Variants in MED12L observed in about 807,000 individuals in gnomAD.
MED12L encodes the protein mediator of RNA polymerase II transcription subunit 12-like protein.
In MED12L, 60 loss-of-function variants were observed where a neutral mutation model predicts 281.3. That is an observed-to-expected ratio of 0.21 (90% CI 0.17 to 0.26). MED12L has a LOEUF of 0.26. Ranked by LOEUF, MED12L falls within the 10% of genes least tolerant of loss-of-function variation. MED12L has a pLI of 1.00. For synonymous variants in MED12L, 974 were observed against 987.2 expected (o/e 0.99, Z 0.25); for missense variants, 2,146 against 2,680.9 (o/e 0.80, Z 4.41).
chr3:151,215,261 C>T (rs1389865427), intron 16 of MED12L, among the ~76,000 whole-genome samples: 1 of 152,176 alleles, frequency 6.6e-6, no homozygotes, highest in Non-Finnish European at 1.5e-5. Context: ...ATGGTAGCCA[C>T]TAGCCATGTG....
chr3:151,284,627 GAC>G, intron 16 of MED12L, among the ~76,000 whole-genome samples: 1 of 152,096 alleles, frequency 6.6e-6, no homozygotes, highest in East Asian at 1.9e-4. Context: ...TGTTTTTTGA[GAC>G]AGAGTTTTCG....
intron 16 of MED12L, chr3:151,249,048 C>G (rs1736332953): frequency 6.6e-6 from 1 of 152,178 alleles, no homozygotes; most frequent in African/African-American, 2.4e-5. Flanking sequence ...GACATCTCGC[C>G]AAATGCTTGA....
At position 151,358,781 on chromosome 3, in the gene MED12L, G is replaced by A. The variant is rs138985934; in HGVS notation, c.2825+1405G>A. ...TTATGTGAACAGTACACTGGATTAC[G>A]ATGTGAAATGTTTTTCTTATTGCTT... On this transcript the variant is annotated intron_variant, in intron 20 of 44. Coordinates refer to ENST00000687756, the MANE Select transcript of MED12L (RefSeq NM_001393769.1). Among the ~76,000 whole-genome samples, 828 of 152,176 alleles carry A rather than the reference G, an allele frequency of 5.4e-3. 12 individuals carry two copies. The highest frequency in any genetic ancestry group is 0.018 in the African/African-American group (762 of 41,514).
At chr3:151,203,269 A>G (rs912016750) in intron 16 of MED12L, 15 of 152,202 alleles carry the variant, frequency 9.9e-5, no homozygotes, top group Non-Finnish European at 2.1e-4. Flanking sequence ...ATTGACGTAG[A>G]TGAAACTGTG....
At chr3:151,425,476 C>CT (rs1224236679) in intron 43 of MED12L, 6 of 363,330 alleles carry the variant, frequency 1.7e-5, no homozygotes, top group Non-Finnish European at 3.3e-5. Flanking sequence ...TCATGGCTCA[C>CT]TGCAGTCTCA....
At chr3:151,316,867 T>G (rs1748320631) in intron 16 of MED12L, 2 of 151,738 alleles carry the variant, frequency 1.3e-5, no homozygotes, top group Admixed American at 1.3e-4. Context: ...TAACTAAGAG[T>G]AGGTGAGATT....
At chr3:151,275,830 TA>T (rs1741757429) in intron 16 of MED12L, among the ~76,000 whole-genome samples, 1 of 152,166 alleles carries the variant, frequency 6.6e-6, no homozygotes, top group African/African-American at 2.4e-5. Flanking sequence ...TAAGATAGGA[TA>T]TTTTTACTGA....
At chr3:151,424,813 C>A (rs904340461) in intron 43 of MED12L, among the ~76,000 whole-genome samples, 1 of 152,072 alleles carries the variant, frequency 6.6e-6, no homozygotes, top group Admixed American at 6.5e-5. Context: ...TTGTTCCTTC[C>A]GCTGCCGCTT....
chr3:151,349,280 G>A (rs1437772798), intron 16 of MED12L, among the ~76,000 whole-genome samples: 1 of 152,168 alleles, frequency 6.6e-6, no homozygotes, highest in African/African-American at 2.4e-5. Context: ...GATTCACTGT[G>A]CCTATGGGGT....
chr3:151,328,885 G>A (rs750375754), intron 16 of MED12L: 35 of 1,613,886 alleles, frequency 2.2e-5, no homozygotes, highest in Admixed American at 1.5e-4. Flanking sequence ...GCAGGATGCC[G>A]GTCAAGAAAA....
intron 17 of MED12L, among the ~76,000 whole-genome samples, chr3:151,350,906 ATTCTT>A (rs1186442439): frequency 6.6e-6 from 1 of 152,148 alleles, no homozygotes; most frequent in African/African-American, 2.4e-5. Flanking sequence ...TTGCCTAATT[ATTCTT>A]TTCAAGGTTT....
At chr3:151,289,751 GA>G (rs1415065765) in intron 16 of MED12L, among the ~76,000 whole-genome samples, 1 of 152,122 alleles carries the variant, frequency 6.6e-6, no homozygotes, top group Non-Finnish European at 1.5e-5. Flanking sequence ...CCTAGACTTG[GA>G]GACCCTGGGG....
Position 151,416,292 on chromosome 3 carries a change from CAT to C in MED12L, c.6298-19_6298-18del, listed in dbSNP as rs1560142467. 6.2e-7 allele frequency: 1 copy of C among 1,612,638 alleles called. No homozygotes were observed. Among genetic ancestry groups the C allele is most frequent in the East Asian group, 2.2e-5 (1 of 44,894 alleles). Reference sequence around the variant, plus strand: ...TTTCTTCTTCCTTTTAAGTGTATAACATTTTTACCCTCTTTCCAGATGCAGCA... The same window carrying C: ...TTTCTTCTTCCTTTTAAGTGTATAACTTTTACCCTCTTTCCAGATGCAGCA... On this transcript the variant is annotated intron_variant, in intron 42 of 44. Coordinates refer to ENST00000687756, the MANE Select transcript of MED12L (RefSeq NM_001393769.1).
chr3:151,146,627 G>C (rs186648983), intron 5 of MED12L, among the ~76,000 whole-genome samples: 2 of 152,138 alleles, frequency 1.3e-5, no homozygotes, highest in Non-Finnish European at 2.9e-5. Context: ...TAAAACCAGA[G>C]GGAAATGGCT....
rs529130811 is a variant in MED12L, at chr3:151,260,239, G to T, written c.2250+66573G>T. ...TCACCTTATCTAGCCTAATTAAATT[G>T]TATGGACTTTCTGTTAAGAGTTGAT... On this transcript the variant is annotated intron_variant, in intron 16 of 44. Coordinates refer to ENST00000687756, the MANE Select transcript of MED12L (RefSeq NM_001393769.1). Among the ~76,000 whole-genome samples the T allele has an allele frequency of 1.2e-4, 19 of 152,308 alleles. 1 individual carries two copies. The South Asian group carries it at 3.9e-3, about 32-fold the overall frequency.
intron 16 of MED12L, among the ~76,000 whole-genome samples, chr3:151,288,329 A>C (rs1249993045): frequency 1.3e-5 from 2 of 152,220 alleles, no homozygotes; most frequent in African/African-American, 4.8e-5. Flanking sequence ...CCTATAATTT[A>C]AGTCTATTTT....
At chr3:151,168,836 G>A (rs576094557) in intron 11 of MED12L, among the ~76,000 whole-genome samples, 7 of 152,176 alleles carry the variant, frequency 4.6e-5, no homozygotes, top group Non-Finnish European at 1.0e-4. Flanking sequence ...CTCCCCAGTA[G>A]CTGGGATTAT....
rs754512189 is a variant in MED12L at position 151,378,187 on chromosome 3, A to T, written c.4478+14A>T. On this transcript the variant is annotated intron_variant, in intron 31 of 44. Coordinates refer to ENST00000687756, the MANE Select transcript of MED12L (RefSeq NM_001393769.1). ...GAAACAGAAAAGGTGTGGCTGGAAG[A>T]TGGGCGTCTGTGTGAGAGTTTAAAG... 2.5e-6 allele frequency: 4 copies of T among 1,590,662 alleles called. No individual in the cohort carries two copies. The Admixed American group carries it at 5.2e-5, about 21-fold the overall frequency.
chr3:151,430,454 C>T lies in MED12L; in HGVS notation c.6490+74C>T, dbSNP rs556873324. The T allele has an allele frequency of 4.6e-5, 74 of 1,597,474 alleles. No homozygotes were observed. In the East Asian group the frequency reaches 1.4e-3, roughly 30 times the overall value. On this transcript the variant is annotated intron_variant, in intron 44 of 44. Coordinates refer to ENST00000687756, the MANE Select transcript of MED12L (RefSeq NM_001393769.1). ...AATAAGCCAGCGAAACGTAAAGTGG[C>T]GGCTCTCCCAAGATGGTACCATCTT...
Sources: gnomAD v4.1 joint callset for allele counts (sites outside exome capture counted in the v4.1 genomes callset) on GRCh38, gnomAD v4.1.1 for gene constraint, MANE v1.5 for transcripts, NCBI Gene and HGNC (gene_info 2026-07-23, HGNC 2026-07-21) for gene names.